CKAP5: variants seen among roughly 807,000 people sequenced by gnomAD.
CKAP5 encodes cytoskeleton-associated protein 5.
In CKAP5, 27 loss-of-function variants were observed where a neutral mutation model predicts 232.8. That is an observed-to-expected ratio of 0.12 (90% CI 0.09 to 0.16). The LOEUF is 0.16. CKAP5 is among the 10% of genes least tolerant of loss of function. CKAP5 has a pLI of 1.00. For synonymous variants in CKAP5, 785 were observed against 841.1 expected (o/e 0.93, Z 1.16); for missense variants, 1,838 against 2,424.7 (o/e 0.76, Z 5.08).
intron 8 of CKAP5, among the ~76,000 whole-genome samples, chr11:46,805,383 T>C (rs892680114): frequency 1.3e-5 from 2 of 152,338 alleles, no homozygotes; most frequent in African/African-American, 4.8e-5. Flanking sequence ...TTAAAGTTAA[T>C]GCCTTTTTAC....
chr11:46,753,194 G>A, intron 37 of CKAP5, 116 bp downstream of exon 37: 1 of 744,974 alleles, frequency 1.3e-6, no homozygotes, highest in Non-Finnish European at 2.2e-6. Context: ...GTGTGCCTAG[G>A]AAGTTGATTA....
At chr11:46,830,440 CAAAAA>C (rs71042623) in intron 1 of CKAP5, among the ~76,000 whole-genome samples, 11 of 67,936 alleles carry the variant, frequency 1.6e-4, no homozygotes, top group East Asian at 4.1e-4. Context: ...GACTCCGTCT[CAAAAA>C]AAAAAAAAAA....
At chr11:46,802,555 C>CACACACAT (rs1241404568) in intron 8 of CKAP5, among the ~76,000 whole-genome samples, 6 of 130,200 alleles carry the variant, frequency 4.6e-5, no homozygotes, top group Non-Finnish European at 9.0e-5. Flanking sequence ...GACAGACAGA[C>CACACACAT]AGACACACAC....
intron 1 of CKAP5, among the ~76,000 whole-genome samples, chr11:46,829,834 TTGTA>T (rs1224784215): frequency 0.048 from 5,290 of 110,646 alleles, 123 homozygotes; most frequent in Non-Finnish European, 0.072. Flanking sequence ...AATTCCTTTT[TTGTA>T]TGTGTGTGTG....
rs182154147 is a variant in CKAP5 at position 46,748,330 on chromosome 11, G to A, written c.5704+1944C>T. ...GAGAGAGAACACACACACCAAGGTG[G>A]TAGCAGTGAAGAGAAGTGTGGATGA... On this transcript the variant is annotated intron_variant, in intron 42 of 43. Transcript: ENST00000529230. 2.9e-3 allele frequency among the ~76,000 whole-genome samples: 446 copies of A among 152,308 alleles called. 6 individuals are homozygous for A. Among genetic ancestry groups the A allele is most frequent in the Non-Finnish European group, 2.4e-3 (166 of 68,022 alleles).
intron 1 of CKAP5, among the ~76,000 whole-genome samples, chr11:46,832,474 T>C (rs1238533304): frequency 1.3e-5 from 2 of 152,216 alleles, no homozygotes; most frequent in Non-Finnish European, 2.9e-5. Flanking sequence ...TGGAGTCATG[T>C]TGAGCTCTGG....
chr11:46,809,466 A>G lies in CKAP5; in HGVS notation c.798T>C (p.Asp266=). 3.1e-6 allele frequency: 5 copies of G among 1,613,660 alleles called. No individual in the cohort carries two copies. In the South Asian group the frequency reaches 5.5e-5, roughly 18 times the overall value. ...CTACAGCTTCTAAAAGCTCATAAGCATCTATTTGTGGCACCTCATCACCAT... is the reference window on the plus strand; with the variant it reads ...CTACAGCTTCTAAAAGCTCATAAGCGTCTATTTGTGGCACCTCATCACCAT... ...GDDGDEVPQI[D]AYELLEAVEI... The change falls in exon 7 of 44, where the codon GAT becomes GAC. Residue 266 remains aspartate (D), a synonymous_variant. Coordinates refer to ENST00000529230, the MANE Select transcript of CKAP5 (RefSeq NM_001008938.4).
chr11:46,777,624 GC>G (rs11300195), intron 22 of CKAP5, 72 bp from the exon 23 acceptor site: 94,049 of 996,428 alleles, frequency 0.094, 6,736 homozygotes, highest in African/African-American at 0.32. Flanking sequence ...TAAATTTGCT[GC>G]TATACTGTCA....
intron 13 of CKAP5, among the ~76,000 whole-genome samples, chr11:46,795,057 G>A (rs986343736): frequency 3.9e-5 from 6 of 152,052 alleles, no homozygotes; most frequent in Admixed American, 6.5e-5. Context: ...GACCAGGCAC[G>A]GTGGCTCACG....
At chr11:46,809,272 A>G in intron 7 of CKAP5, 128 bp downstream of exon 7, 1 of 627,970 alleles carries the variant, frequency 1.6e-6, no homozygotes, top group African/African-American at 1.9e-5. Flanking sequence ...GAAGCAACTA[A>G]CTCACTCTAC....
Position 46,790,144 on chromosome 11 carries a change from T to G in CKAP5, c.1807A>C (p.Thr603Pro), listed in dbSNP as rs759424679. ...CTGCTGTCAAGAAGCTGTATACAGG[T>G]AGGGGGAAGAACAGCTGAAGCTTTT... ...EEKASAVLPP[T>P]CIQLLDSSNW... is the part of the protein sequence containing the mutation. The change falls in exon 15 of 44, where the codon ACC (threonine) becomes CCC (proline). Residue 603 changes from threonine (T) to proline (P), a missense_variant. By Grantham distance (38) the Thr-to-Pro change is conservative. Transcript: ENST00000529230. The G allele has an allele frequency of 6.2e-7, 1 of 1,611,416 alleles. No individual in the cohort carries two copies. Among genetic ancestry groups the G allele is most frequent in the African/African-American group, 1.3e-5 (1 of 74,988 alleles).
Position 46,809,555 on chromosome 11 carries a change from T to C in CKAP5, c.764-55A>G. ...AAAATGCTTAGAATTGTTTTACTTA[T>C]CAGTTATCAGTCCTTTCACAACCCT... On this transcript the variant is annotated intron_variant, in intron 6 of 43. Coordinates refer to ENST00000529230, the MANE Select transcript of CKAP5 (RefSeq NM_001008938.4). 3 of 1,427,124 alleles carry C rather than the reference T, an allele frequency of 2.1e-6. 1 individual carries two copies. Among genetic ancestry groups the C allele is most frequent in the African/African-American group, 2.8e-5 (2 of 70,402 alleles). The allele number at this position is 1,427,124 out of a possible 1,614,324, so 88.4% of individuals were successfully genotyped here.
chr11:46,795,371 C>G (rs1170097685), intron 13 of CKAP5, among the ~76,000 whole-genome samples: 1 of 151,634 alleles, frequency 6.6e-6, no homozygotes, highest in East Asian at 1.9e-4. Flanking sequence ...GTTAAATTGA[C>G]AAAACACACT....
At chr11:46,822,192 GACT>G (rs1939550489) in intron 1 of CKAP5, among the ~76,000 whole-genome samples, 1 of 151,902 alleles carries the variant, frequency 6.6e-6, no homozygotes, top group Non-Finnish European at 1.5e-5. Context: ...GAGGTGGGAG[GACT>G]ACTTGAGCCC....
intron 38 of CKAP5, among the ~76,000 whole-genome samples, chr11:46,752,187 T>TAC (rs1235472492): frequency 4.9e-4 from 33 of 67,860 alleles, no homozygotes; most frequent in African/African-American, 1.3e-3. Context: ...TATATATATA[T>TAC]ATATATACAC....
chr11:46,831,123 G>T (rs1385834255), intron 1 of CKAP5, among the ~76,000 whole-genome samples: 1 of 152,078 alleles, frequency 6.6e-6, no homozygotes, highest in Non-Finnish European at 1.5e-5. Context: ...GTTAAGCAAA[G>T]AAATTTTTTT....
chr11:46,772,772 TG>T (rs1280828549), intron 24 of CKAP5, among the ~76,000 whole-genome samples: 2 of 152,014 alleles, frequency 1.3e-5, no homozygotes, highest in African/African-American at 4.8e-5. Flanking sequence ...GACGGAGTCT[TG>T]CTCTGTCACT....
chr11:46,746,875 C>CTAGGTCTT (rs2065026390), intron 42 of CKAP5, among the ~76,000 whole-genome samples: 1 of 152,202 alleles, frequency 6.6e-6, no homozygotes, highest in Non-Finnish European at 1.5e-5. Flanking sequence ...ACCTGTAATC[C>CTAGGTCTT]TAGGTCTTTG....
chr11:46,829,220 C>A (rs1053866735), intron 1 of CKAP5, among the ~76,000 whole-genome samples: 1 of 152,188 alleles, frequency 6.6e-6, no homozygotes, highest in African/African-American at 2.4e-5. Context: ...GACAGCAAGA[C>A]CAACCCCTCC....
Sources: allele counts gnomAD v4.1 joint callset (sites outside exome capture counted in the v4.1 genomes callset), GRCh38; gene constraint gnomAD v4.1.1; transcripts MANE v1.5; gene names NCBI Gene and HGNC (gene_info 2026-07-23, HGNC 2026-07-21).